SHC4: variants seen among roughly 807,000 people sequenced by gnomAD.
SHC4 encodes SHC-transforming protein 4.
In SHC4, 41 loss-of-function variants were observed where a neutral mutation model predicts 69.4. The observed-to-expected ratio is 0.59, with a 90% CI of 0.46 to 0.77. The LOEUF (loss-of-function observed/expected upper bound fraction) is 0.77, where lower values mean the gene tolerates loss of function less well. Among genes scored for constraint, SHC4 ranks in the 30% least tolerant of loss-of-function variants. SHC4 has a pLI of 0.00. For missense variants in SHC4, 777 were observed against 783.8 expected, an observed-to-expected ratio of 0.99 and a Z score of 0.10; for synonymous variants, 318 against 299.3, an observed-to-expected ratio of 1.06 and a Z score of -0.64.
intron 2 of SHC4, among the ~76,000 whole-genome samples, chr15:48,904,435 GT>G (rs1900370147): frequency 6.6e-6 from 1 of 152,188 alleles, no homozygotes; most frequent in African/African-American, 2.4e-5. Context: ...ATGAAACCAT[GT>G]TTGATCTCTT....
chr15:48,958,140 C>A (rs1042909321), intron 1 of SHC4, among the ~76,000 whole-genome samples: 1 of 152,184 alleles, frequency 6.6e-6, no homozygotes, highest in Non-Finnish European at 1.5e-5. Context: ...GAAACTAATG[C>A]GATCTGGGAA....
chr15:48,897,770 C>CACACACACACAA lies in SHC4; in HGVS notation c.657-6960_657-6959insTTGTGTGTGTGT, dbSNP rs567181853. Among the ~76,000 whole-genome samples, 463 of 151,990 alleles carry CACACACACACAA rather than the reference C, an allele frequency of 3.0e-3. 5 individuals are homozygous for CACACACACACAA. Among genetic ancestry groups the CACACACACACAA allele is most frequent in the African/African-American group, 0.011 (439 of 41,454 alleles). ...CCCCACCTTCTGACACACACACACA[C>CACACACACACAA]ACACACACACACACATCTATAGTCA... is the stretch of plus-strand genomic sequence containing the variant. On this transcript the variant is annotated intron_variant, in intron 2 of 11. Transcript: ENST00000332408.
At chr15:48,835,358 A>G (rs1898880244) in intron 10 of SHC4, among the ~76,000 whole-genome samples, 1 of 152,220 alleles carries the variant, frequency 6.6e-6, no homozygotes, top group Non-Finnish European at 1.5e-5. Context: ...TTGCATGTTA[A>G]AGAGAAAAAG....
chr15:48,922,028 A>C (rs1425868829), intron 2 of SHC4, among the ~76,000 whole-genome samples: 3 of 152,162 alleles, frequency 2.0e-5, no homozygotes, highest in Non-Finnish European at 2.9e-5. Context: ...GTACTTTCCA[A>C]ATCTTCTAAG....
rs963390604 is a variant in SHC4, at chr15:48,963,025, A to G, written c.-10T>C. The G allele has an allele frequency of 6.3e-7, 1 of 1,596,210 alleles. No homozygotes were observed. Among genetic ancestry groups the G allele is most frequent in the Non-Finnish European group, 8.5e-7 (1 of 1,170,410 alleles). The stretch of plus-strand genomic sequence containing the variant: ...GGCCGCGTTCTCGCATAGCCTTGGC[A>G]GTGCTGAAACAGGATACTGTTGCAT... On this transcript the variant is annotated 5_prime_UTR_variant, in exon 1 of 12. Coordinates refer to ENST00000332408, the MANE Select transcript of SHC4 (RefSeq NM_203349.4).
intron 1 of SHC4, among the ~76,000 whole-genome samples, chr15:48,934,515 C>A (rs1396981202): frequency 6.6e-6 from 1 of 152,128 alleles, no homozygotes; most frequent in Non-Finnish European, 1.5e-5. Flanking sequence ...CATGGTAACA[C>A]CACTAGGGGA....
At position 48,834,920 on chromosome 15, in the gene SHC4, C is replaced by T; in HGVS notation, c.1586G>A (p.Gly529Asp). ...QQLWSEECYH[G>D]KLSRKAAESL... ...CTCTGCCGCCTTCCTGCTCAGCTTG[C>T]CATGATAGCATTCTTCGCTCCACAG... The change falls in exon 11 of 12, where the codon GGC becomes GAC. Residue 529 changes from glycine to aspartate, a missense_variant. By Grantham distance (94) the Gly-to-Asp change is moderately conservative. Transcript: ENST00000332408. The T allele has an allele frequency of 6.2e-7, 1 of 1,613,956 alleles. No individual in the cohort carries two copies.
chr15:48,850,324 A>C (rs1899186280), intron 9 of SHC4, among the ~76,000 whole-genome samples: 1 of 152,130 alleles, frequency 6.6e-6, no homozygotes, highest in Non-Finnish European at 1.5e-5. Context: ...CTATACCAGA[A>C]AGAATAAATC....
At chr15:48,909,697 T>G (rs1404807283) in intron 2 of SHC4, among the ~76,000 whole-genome samples, 2 of 152,222 alleles carry the variant, frequency 1.3e-5, no homozygotes, top group Non-Finnish European at 2.9e-5. Context: ...GGGTTTGTCA[T>G]AGATGGCTTT....
chr15:48,930,671 A>C (rs1234823469), intron 1 of SHC4, among the ~76,000 whole-genome samples: 2 of 152,142 alleles, frequency 1.3e-5, no homozygotes, highest in East Asian at 3.8e-4. Flanking sequence ...AAAAACAAAC[A>C]CTGAAGAACA....
rs191051669 is a variant in SHC4 at position 48,847,728 on chromosome 15, C to T, written c.1303+3460G>A. On this transcript the variant is annotated intron_variant, in intron 9 of 11. Coordinates refer to ENST00000332408, the MANE Select transcript of SHC4 (RefSeq NM_203349.4). ...AAAACATATGCCCAAGTAGGCCAGGCGTGGTGGGTCACGCCTGTAATCCCA... is the reference window on the plus strand; with the variant it reads ...AAAACATATGCCCAAGTAGGCCAGGTGTGGTGGGTCACGCCTGTAATCCCA... Among the ~76,000 whole-genome samples the T allele has an allele frequency of 6.4e-3, 974 of 151,946 alleles. 6 individuals are homozygous for T. The highest frequency in any genetic ancestry group is 0.024 in the Middle Eastern group (7 of 292).
chr15:48,878,424 A>T, intron 4 of SHC4: 1 of 1,612,426 alleles, frequency 6.2e-7, no homozygotes, highest in Non-Finnish European at 8.5e-7. Flanking sequence ...AACGCTGGGG[A>T]GCAGCCAGGC....
Position 48,824,166 on chromosome 15 carries a change from T to G in SHC4, c.*1805A>C, listed in dbSNP as rs1898646833. 1 of 152,176 alleles carries G rather than the reference T, an allele frequency of 6.6e-6. No homozygotes were observed. Among genetic ancestry groups the G allele is most frequent in the African/African-American group, 2.4e-5 (1 of 41,440 alleles). 9.4% of individuals were successfully genotyped at this position (152,176 alleles called of 1,614,324 possible). On this transcript the variant is annotated 3_prime_UTR_variant, in exon 12 of 12. Coordinates refer to ENST00000332408, the MANE Select transcript of SHC4 (RefSeq NM_203349.4). The stretch of plus-strand genomic sequence containing the variant: ...AGACCTAAGGTATATGGAAAACTGG[T>G]GAAAAATACATTAATTCTAGTTGTG...
intron 6 of SHC4, among the ~76,000 whole-genome samples, chr15:48,864,750 A>G (rs946948469): frequency 6.6e-6 from 1 of 152,084 alleles, no homozygotes; most frequent in Non-Finnish European, 1.5e-5. Context: ...CCCGGCCTCC[A>G]ATACCACTTT....
At chr15:48,848,868 A>G (rs1303780195) in intron 9 of SHC4, among the ~76,000 whole-genome samples, 2 of 152,076 alleles carry the variant, frequency 1.3e-5, no homozygotes, top group Non-Finnish European at 2.9e-5. Flanking sequence ...CTCTTGGGGG[A>G]AAAAGAAGAA....
At chr15:48,838,714 C>T (rs1173425447) in intron 10 of SHC4, among the ~76,000 whole-genome samples, 1 of 152,002 alleles carries the variant, frequency 6.6e-6, no homozygotes. Flanking sequence ...ATAGAAAAAA[C>T]ATAATAAAGA....
At position 48,884,256 on chromosome 15, in the gene SHC4, T is replaced by C. The variant is rs1228940080; in HGVS notation, c.832A>G (p.Asn278Asp). The change falls in exon 4 of 12, where the codon AAC becomes GAC. Residue 278 changes from asparagine to aspartate, a missense_variant. Coordinates refer to ENST00000332408, the MANE Select transcript of SHC4 (RefSeq NM_203349.4). ...TCSLTLMNLD[N>D]QQIIANHHMQ... ...GACATTTGTGATCTTACCTGTTGGT[T>C]GTCAAGATTCATCAATGTGAGACTG... 2 of 1,597,702 alleles carry C rather than the reference T, an allele frequency of 1.3e-6. No homozygotes were observed. The highest frequency in any genetic ancestry group is 1.4e-5 in the African/African-American group (1 of 74,008).
chr15:48,929,797 T>C (rs1479468160), intron 1 of SHC4, among the ~76,000 whole-genome samples: 1 of 152,194 alleles, frequency 6.6e-6, no homozygotes, highest in Non-Finnish European at 1.5e-5. Context: ...ACAGGAACAG[T>C]GGGAAAGCAG....
chr15:48,826,373 C>T (rs1489316918), intron 11 of SHC4, among the ~76,000 whole-genome samples: 6 of 151,636 alleles, frequency 4.0e-5, no homozygotes, highest in African/African-American at 9.7e-5. Context: ...TGCTTCAGCC[C>T]GAGTAACTGG....
Sources: gnomAD v4.1 joint callset for allele counts (sites outside exome capture counted in the v4.1 genomes callset) on GRCh38, gnomAD v4.1.1 for gene constraint, MANE v1.5 for transcripts, NCBI Gene and HGNC (gene_info 2026-07-23, HGNC 2026-07-21) for gene names.